Variants in AGBL1 observed in about 807,000 individuals in gnomAD.
The protein encoded by AGBL1 is cytosolic carboxypeptidase 4.
A neutral mutation model predicts 118.9 loss-of-function variants in AGBL1; 130 were observed. The ratio of observed to expected loss-of-function variants is 1.09; its 90% CI spans 0.95 to 1.26. AGBL1 has a LOEUF of 1.26. Among genes scored for constraint, AGBL1 ranks in the 50% most tolerant of loss-of-function variants. The pLI, the probability that AGBL1 is intolerant of heterozygous loss-of-function variation, is 0.00. For synonymous variants in AGBL1, 555 were observed against 478.9 expected (o/e 1.16, Z -2.08); for missense variants, 1,584 against 1,298.1 (o/e 1.22, Z -3.38).
At chr15:86,399,837 T>C (rs2081419028) in intron 18 of AGBL1, among the ~76,000 whole-genome samples, 1 of 152,186 alleles carries the variant, frequency 6.6e-6, no homozygotes, top group African/African-American at 2.4e-5. Context: ...TCATTACCAT[T>C]ATTTATTATG....
intron 19 of AGBL1, among the ~76,000 whole-genome samples, chr15:86,525,559 G>A (rs2083251987): frequency 1.3e-5 from 2 of 152,098 alleles, no homozygotes; most frequent in Non-Finnish European, 1.5e-5. Context: ...GAACAGAATA[G>A]AGAACCCAGA....
At chr15:86,775,755 A>T (rs1215162824) in intron 22 of AGBL1, among the ~76,000 whole-genome samples, 2 of 152,174 alleles carry the variant, frequency 1.3e-5, no homozygotes, top group African/African-American at 2.4e-5. Flanking sequence ...TTATATTAAA[A>T]TTGTTTACAT....
At chr15:86,698,783 G>A (rs1213993078) in intron 22 of AGBL1, among the ~76,000 whole-genome samples, 4 of 151,882 alleles carry the variant, frequency 2.6e-5, no homozygotes, top group African/African-American at 7.2e-5. Context: ...GGAACAAGAC[G>A]TGAAATGCCA....
chr15:86,640,971 T>C (rs1596330034), intron 21 of AGBL1, among the ~76,000 whole-genome samples: 1 of 2,144 alleles, frequency 4.7e-4, no homozygotes. Flanking sequence ...TGAGGTTGAT[T>C]TTTTTTTTTA....
intron 16 of AGBL1, among the ~76,000 whole-genome samples, chr15:86,285,003 T>A (rs1016592666): frequency 6.6e-6 from 1 of 152,142 alleles, no homozygotes; most frequent in Non-Finnish European, 1.5e-5. Context: ...TCCACAGGGC[T>A]GTAATTACAG....
chr15:86,856,299 C>G (rs756428392), intron 22 of AGBL1, among the ~76,000 whole-genome samples: 7 of 152,142 alleles, frequency 4.6e-5, no homozygotes, highest in Non-Finnish European at 8.8e-5. Flanking sequence ...AAGCAGGGCT[C>G]TATTGTACCC....
chr15:86,237,603 A>G (rs1246184589), intron 6 of AGBL1, among the ~76,000 whole-genome samples: 1 of 152,176 alleles, frequency 6.6e-6, no homozygotes, highest in Non-Finnish European at 1.5e-5. Context: ...TGGAAGGGAT[A>G]ATGGCTTGTC....
chr15:86,670,663 T>TATAC (rs1295889244), intron 21 of AGBL1, among the ~76,000 whole-genome samples: 3 of 148,982 alleles, frequency 2.0e-5, no homozygotes, highest in African/African-American at 7.4e-5. Flanking sequence ...TATATATATA[T>TATAC]AGCAAACTTA....
intron 21 of AGBL1, among the ~76,000 whole-genome samples, chr15:86,583,151 TTA>T (rs1491295174): frequency 6.7e-6 from 1 of 149,570 alleles, no homozygotes; most frequent in South Asian, 2.1e-4. Flanking sequence ...GAATTGGAAT[TTA>T]AAAAAAAAAA....
chr15:86,265,992 A>G (rs986839970), intron 11 of AGBL1, among the ~76,000 whole-genome samples: 9 of 152,208 alleles, frequency 5.9e-5, no homozygotes, highest in African/African-American at 2.2e-4. Context: ...TGAAGATGCT[A>G]GCAGCTAATA....
chr15:86,340,302 C>A (rs111480957), intron 17 of AGBL1, among the ~76,000 whole-genome samples: 5,574 of 152,016 alleles, frequency 0.037, 180 homozygotes, highest in African/African-American at 0.088. Context: ...CTGCCCCCCC[C>A]CCATTCATGT....
intron 17 of AGBL1, among the ~76,000 whole-genome samples, chr15:86,341,818 C>G (rs1298745527): frequency 6.6e-6 from 1 of 152,030 alleles, no homozygotes; most frequent in East Asian, 1.9e-4. Flanking sequence ...GAGTAGGCCA[C>G]TTGAGTCATT....
chr15:86,814,896 T>C (rs1366389229), intron 22 of AGBL1, among the ~76,000 whole-genome samples: 1 of 152,192 alleles, frequency 6.6e-6, no homozygotes, highest in African/African-American at 2.4e-5. Flanking sequence ...CCTGACGAAA[T>C]GCATTAAAGT....
intron 19 of AGBL1, among the ~76,000 whole-genome samples, chr15:86,534,126 A>T (rs966576901): frequency 5.3e-5 from 8 of 150,772 alleles, no homozygotes; most frequent in African/African-American, 1.9e-4. Flanking sequence ...AAAAAAAAAA[A>T]AAAAAAAAGA....
chr15:86,978,479 A>C (rs367632829), intron 23 of AGBL1, among the ~76,000 whole-genome samples: 1 of 152,226 alleles, frequency 6.6e-6, no homozygotes, highest in Non-Finnish European at 1.5e-5. Context: ...TGACTTACAA[A>C]GCTGGGGGTT....
intron 6 of AGBL1, among the ~76,000 whole-genome samples, chr15:86,242,658 G>A (rs1375037784): frequency 6.6e-6 from 1 of 152,220 alleles, no homozygotes; most frequent in Non-Finnish European, 1.5e-5. Context: ...GGCTGTTAAA[G>A]CTTCCAATAC....
At chr15:86,685,991 A>T (rs2575872) in intron 22 of AGBL1, among the ~76,000 whole-genome samples, 81,122 of 151,902 alleles carry the variant, frequency 0.53, 22,358 homozygotes, top group Non-Finnish European at 0.6. Context: ...AGTCCCAATG[A>T]TCTAAACTTT....
At chr15:86,837,426 C>T (rs922171718) in intron 22 of AGBL1, among the ~76,000 whole-genome samples, 2 of 152,102 alleles carry the variant, frequency 1.3e-5, no homozygotes, top group African/African-American at 4.8e-5. Flanking sequence ...TTGGCTCACC[C>T]CCTATTTTTA....
intron 1 of AGBL1, among the ~76,000 whole-genome samples, chr15:86,100,415 T>G (rs1380908671): frequency 6.6e-6 from 1 of 152,174 alleles, no homozygotes; most frequent in Non-Finnish European, 1.5e-5. Flanking sequence ...GTTGTTAGTT[T>G]GGTAGAATTC....
Sources: allele counts gnomAD v4.1 joint callset (sites outside exome capture counted in the v4.1 genomes callset), GRCh38; gene constraint gnomAD v4.1.1; transcripts MANE v1.5; gene names NCBI Gene and HGNC (gene_info 2026-07-23, HGNC 2026-07-21).